Variants in PPM1A observed in about 807,000 individuals in gnomAD.
PPM1A encodes protein phosphatase, Mg2+/Mn2+ dependent 1A.
In PPM1A, 7 loss-of-function variants were observed where a neutral mutation model predicts 35.0. The ratio of observed to expected loss-of-function variants is 0.20; its 90% CI spans 0.11 to 0.38. The LOEUF is 0.38. PPM1A is among the 10% of genes least tolerant of loss of function. The pLI, the probability that PPM1A is intolerant of heterozygous loss-of-function variation, is 1.00. For synonymous variants in PPM1A, 153 were observed against 167.3 expected, an observed-to-expected ratio of 0.91 and a Z score of 0.66; for missense variants, 239 against 467.8, an observed-to-expected ratio of 0.51 and a Z score of 4.51.
chr14:60,271,793 TA>T (rs1555341985), intron 1 of PPM1A, among the ~76,000 whole-genome samples: 4 of 152,286 alleles, frequency 2.6e-5, no homozygotes, highest in South Asian at 2.1e-4. Context: ...GTTTTTTTTT[TA>T]ATGGGAATTC....
rs1413725700 is a variant in PPM1A, at chr14:60,294,283, A to T, written c.*1801A>T. On this transcript the variant is annotated 3_prime_UTR_variant, in exon 6 of 6. Transcript: ENST00000395076. Reference sequence around the variant, plus strand: ...TTGTGAGGTGATTAAATGTAACTTAATTGTATTTAATTTATATCTTATTCC... The same window carrying T: ...TTGTGAGGTGATTAAATGTAACTTATTTGTATTTAATTTATATCTTATTCC... 6.6e-6 allele frequency: 1 copy of T among 151,826 alleles called. No homozygotes were observed. Among genetic ancestry groups the T allele is most frequent in the Non-Finnish European group, 1.5e-5 (1 of 67,806 alleles). The allele number at this position is 151,826 out of a possible 1,614,324, so 9.4% of individuals were successfully genotyped here.
intron 1 of PPM1A, among the ~76,000 whole-genome samples, chr14:60,280,120 C>T (rs1886226037): frequency 6.6e-6 from 1 of 152,188 alleles, no homozygotes; most frequent in South Asian, 2.1e-4. Context: ...ATTCTTCTGC[C>T]TCAGCCTCCC....
intron 1 of PPM1A, among the ~76,000 whole-genome samples, chr14:60,255,373 G>T (rs1274856528): frequency 6.6e-6 from 1 of 151,188 alleles, no homozygotes; most frequent in East Asian, 1.9e-4. Flanking sequence ...GGGTTTCACC[G>T]TGTTAGCCAG....
chr14:60,257,331 G>A lies in PPM1A; in HGVS notation c.-21+7654G>A, dbSNP rs191199529. ...AATAAATTCCTTAAAAACAGGTCTT[G>A]TTTCATTCATTTAAAGAGATTATCA... On this transcript the variant is annotated intron_variant, in intron 1 of 5. Coordinates refer to ENST00000395076, the MANE Select transcript of PPM1A (RefSeq NM_021003.5). Among the ~76,000 whole-genome samples the A allele has an allele frequency of 3.6e-3, 543 of 152,112 alleles. 3 individuals are homozygous for A. The highest frequency in any genetic ancestry group is 0.012 in the African/African-American group (504 of 41,504).
At chr14:60,263,409 G>A (rs1292191622) in intron 1 of PPM1A, among the ~76,000 whole-genome samples, 1 of 152,136 alleles carries the variant, frequency 6.6e-6, no homozygotes, top group African/African-American at 2.4e-5. Flanking sequence ...TTATTGAGCA[G>A]TTCCCAAATG....
At chr14:60,285,509 A>C (rs1886917870) in intron 2 of PPM1A, 115 bp from the exon 3 acceptor site, 1 of 1,164,158 alleles carries the variant, frequency 8.6e-7, no homozygotes, top group Admixed American at 2.4e-5. Context: ...TTTCTCCCTG[A>C]AAGTAACATT....
rs555584601 is a variant in PPM1A, at chr14:60,277,041, C to T, written c.-20-5643C>T. On this transcript the variant is annotated intron_variant, in intron 1 of 5. Transcript: ENST00000395076. ...GAAAAGTTCAGATCAACTGATAATA[C>T]TAGTGCTGTGATGAGACTCAGCTTG... 1.9e-5 allele frequency: 23 copies of T among 1,211,402 alleles called. No individual in the cohort carries two copies. The East Asian group carries it at 1.4e-3, about 73-fold the overall frequency. 75.0% of individuals were successfully genotyped at this position (1,211,402 alleles called of 1,614,324 possible).
At chr14:60,256,472 T>C (rs2139350231) in intron 1 of PPM1A, among the ~76,000 whole-genome samples, 1 of 152,232 alleles carries the variant, frequency 6.6e-6, no homozygotes, top group East Asian at 1.9e-4. Context: ...TAGTAAAATT[T>C]ATTGGCTTTT....
intron 1 of PPM1A, among the ~76,000 whole-genome samples, chr14:60,278,128 A>C (rs1595343015): frequency 6.6e-6 from 1 of 152,294 alleles, no homozygotes; most frequent in South Asian, 2.1e-4. Context: ...CTCTCCATAA[A>C]TGTTAGATGT....
intron 4 of PPM1A, among the ~76,000 whole-genome samples, chr14:60,290,245 G>A (rs1292937963): frequency 6.6e-6 from 1 of 152,112 alleles, no homozygotes; most frequent in African/African-American, 2.4e-5. Context: ...AATTCTAAGT[G>A]TCGTTGTTAG....
intron 5 of PPM1A, among the ~76,000 whole-genome samples, chr14:60,291,704 A>G (rs1435157118): frequency 6.6e-6 from 1 of 151,450 alleles, no homozygotes; most frequent in East Asian, 1.9e-4. Context: ...AGATTTTTTA[A>G]GTCTTTACAA....
At chr14:60,250,017 C>T (rs1263187781) in intron 1 of PPM1A, among the ~76,000 whole-genome samples, 3 of 151,464 alleles carry the variant, frequency 2.0e-5, no homozygotes, top group Non-Finnish European at 3.0e-5. Context: ...GGCCGGAGAG[C>T]GGCCTGCAGA....
intron 1 of PPM1A, chr14:60,268,415 CAAT>C (rs1884647024): frequency 6.2e-6 from 6 of 964,638 alleles, no homozygotes; most frequent in Non-Finnish European, 7.4e-6. Context: ...TATTTTACAA[CAAT>C]AAAATTCTAT....
Position 60,294,297 on chromosome 14 carries a change from A to T in PPM1A, c.*1815A>T, listed in dbSNP as rs1887889969. ...AATGTAACTTAATTGTATTTAATTT[A>T]TATCTTATTCCAGCATGAATGAGGA... On this transcript the variant is annotated 3_prime_UTR_variant, in exon 6 of 6. Coordinates refer to ENST00000395076, the MANE Select transcript of PPM1A (RefSeq NM_021003.5). 6.6e-6 allele frequency: 1 copy of T among 151,876 alleles called. No individual in the cohort carries two copies. Among genetic ancestry groups the T allele is most frequent in the South Asian group, 2.1e-4 (1 of 4,832 alleles). 9.4% of individuals were successfully genotyped at this position (151,876 alleles called of 1,614,324 possible). A position where few individuals can be genotyped will look rare whatever the true frequency, so the allele number is the denominator to read the frequency against.
intron 1 of PPM1A, among the ~76,000 whole-genome samples, chr14:60,269,939 C>G (rs1160468576): frequency 1.3e-5 from 2 of 152,204 alleles, no homozygotes; most frequent in African/African-American, 2.4e-5. Context: ...CTAAATGTAT[C>G]TAGTACTTGA....
At chr14:60,288,220 T>G (rs989939835) in intron 3 of PPM1A, 1 of 977,266 alleles carries the variant, frequency 1.0e-6, no homozygotes, top group East Asian at 1.1e-4. Context: ...TGTAATTTTC[T>G]TCACAGTTAA....
At chr14:60,249,133 T>C (rs1056826838), upstream of PPM1A, 1 of 723,434 alleles carries the variant, frequency 1.4e-6, no homozygotes, top group Non-Finnish European at 1.7e-6. The surrounding 1 kb of genome is among the most constrained non-coding windows in gnomAD (Gnocchi z 4.5). Flanking sequence ...GCCGCAGCTG[T>C]AGCGGCGGCG....
Position 60,249,835 on chromosome 14 carries a change from C to A in PPM1A, c.-21+158C>A, listed in dbSNP as rs1882126391. On this transcript the variant is annotated intron_variant, in intron 1 of 5. Transcript: ENST00000395076. This position sits in a 1 kb window ranked among gnomAD's most constrained non-coding sequence, Gnocchi z 4.5. Reference sequence around the variant, plus strand: ...CTCCACCCCCTGGCCGGCCTCCTCCCCCGAGCCGGGCGGCGGACGGCGAGG... The same window carrying A: ...CTCCACCCCCTGGCCGGCCTCCTCCACCGAGCCGGGCGGCGGACGGCGAGG... Among the ~76,000 whole-genome samples the A allele has an allele frequency of 6.6e-6, 1 of 151,342 alleles. No individual in the cohort carries two copies. The highest frequency in any genetic ancestry group is 1.5e-5 in the Non-Finnish European group (1 of 67,724).
chr14:60,280,301 G>A lies in PPM1A; in HGVS notation c.-20-2383G>A, dbSNP rs1355178753. 2.6e-5 allele frequency among the ~76,000 whole-genome samples: 4 copies of A among 152,320 alleles called. 1 individual carries two copies. Among genetic ancestry groups the A allele is most frequent in the African/African-American group, 7.2e-5 (3 of 41,574 alleles). On this transcript the variant is annotated intron_variant, in intron 1 of 5. Transcript: ENST00000395076. ...TTACAGGCGTGAGCCACCACACCTGGCTGCCTTCTTATATGCTTATACAGG... is the reference window on the plus strand; with the variant it reads ...TTACAGGCGTGAGCCACCACACCTGACTGCCTTCTTATATGCTTATACAGG...
Sources: allele counts gnomAD v4.1 joint callset (sites outside exome capture counted in the v4.1 genomes callset), GRCh38; gene constraint gnomAD v4.1.1; non-coding constraint Gnocchi (gnomAD v3.1); transcripts MANE v1.5; gene names NCBI Gene and HGNC (gene_info 2026-07-23, HGNC 2026-07-21).